Variants in DCC observed in about 807,000 individuals in gnomAD.
The protein encoded by DCC is netrin receptor DCC.
In DCC, 58 loss-of-function variants were observed where a neutral mutation model predicts 172.5. That is an observed-to-expected ratio of 0.34 (90% CI 0.27 to 0.42). The LOEUF is 0.42. Among genes scored for constraint, DCC ranks in the 10% least tolerant of loss-of-function variants. DCC has a pLI of 1.00. For missense variants in DCC, 1,740 were observed against 1,791.0 expected, an observed-to-expected ratio of 0.97 and a Z score of 0.51; for synonymous variants, 709 against 644.5, an observed-to-expected ratio of 1.10 and a Z score of -1.52.
intron 15 of DCC, among the ~76,000 whole-genome samples, chr18:53,367,040 A>T (rs559530530): frequency 6.6e-6 from 1 of 152,332 alleles, no homozygotes; most frequent in African/African-American, 2.4e-5. Context: ...CTAACTAATA[A>T]AATATGTTTT....
chr18:53,521,474 C>G (rs2046398178), intron 27 of DCC, among the ~76,000 whole-genome samples: 3 of 152,054 alleles, frequency 2.0e-5, no homozygotes. Flanking sequence ...TAGGCTATGC[C>G]TAGGAATTCA....
chr18:53,121,672 C>T (rs2043485944), intron 7 of DCC, among the ~76,000 whole-genome samples: 1 of 151,818 alleles, frequency 6.6e-6, no homozygotes, highest in Non-Finnish European at 1.5e-5. Context: ...TTTTCAAATA[C>T]AATGTAATAC....
chr18:52,888,403 C>A (rs2039599253), intron 2 of DCC, among the ~76,000 whole-genome samples: 1 of 152,068 alleles, frequency 6.6e-6, no homozygotes, highest in South Asian at 2.1e-4. Context: ...ATTAGCAGTT[C>A]AGCTTGGTGT....
At chr18:53,394,632 T>G (rs2145016601) in intron 17 of DCC, among the ~76,000 whole-genome samples, 1 of 152,150 alleles carries the variant, frequency 6.6e-6, no homozygotes, top group Non-Finnish European at 1.5e-5. Context: ...TGTGCAGGAC[T>G]CAGTCTCAGC....
intron 15 of DCC, among the ~76,000 whole-genome samples, chr18:53,344,895 A>C (rs554637989): frequency 6.6e-6 from 1 of 151,064 alleles, no homozygotes; most frequent in Admixed American, 6.6e-5. Flanking sequence ...GGAAAAAAAA[A>C]AAAAAGGAAA....
chr18:52,368,840 A>C (rs893136804), intron 1 of DCC, among the ~76,000 whole-genome samples: 1 of 152,190 alleles, frequency 6.6e-6, no homozygotes, highest in Non-Finnish European at 1.5e-5. Context: ...TGAAGATAAG[A>C]CTGCTAGTCC....
intron 8 of DCC, among the ~76,000 whole-genome samples, chr18:53,160,002 A>T (rs1336951119): frequency 6.6e-6 from 1 of 152,162 alleles, no homozygotes; most frequent in Non-Finnish European, 1.5e-5. Flanking sequence ...GGCTCAAAGT[A>T]TAGGAAGAAG....
intron 7 of DCC, among the ~76,000 whole-genome samples, chr18:53,145,409 A>G (rs776855808): frequency 5.3e-5 from 8 of 151,956 alleles, no homozygotes; most frequent in East Asian, 1.9e-4. Context: ...CACCGCACCC[A>G]GCCCAGGGCT....
chr18:53,397,625 C>G (rs1304962467), intron 18 of DCC, among the ~76,000 whole-genome samples, 179 bp downstream of exon 18: 1 of 152,116 alleles, frequency 6.6e-6, no homozygotes, highest in Non-Finnish European at 1.5e-5. Flanking sequence ...CTAGAAAAAA[C>G]ATGAATCTCC....
chr18:53,218,662 G>A (rs1193624659), intron 12 of DCC, among the ~76,000 whole-genome samples: 1 of 152,058 alleles, frequency 6.6e-6, no homozygotes, highest in African/African-American at 2.4e-5. Flanking sequence ...TAGTGAGGTG[G>A]TTATTTCTCA....
chr18:53,351,357 T>TAC (rs2057799753), intron 15 of DCC, among the ~76,000 whole-genome samples: 1 of 85,234 alleles, frequency 1.2e-5, no homozygotes, highest in Non-Finnish European at 2.5e-5. Flanking sequence ...ATACACAGTA[T>TAC]ATATATATAC....
intron 12 of DCC, among the ~76,000 whole-genome samples, chr18:53,292,592 G>C (rs2057018539): frequency 6.6e-6 from 1 of 152,196 alleles, no homozygotes; most frequent in South Asian, 2.1e-4. Context: ...AAGAGGCTGA[G>C]GCAGGAGAAT....
intron 5 of DCC, among the ~76,000 whole-genome samples, chr18:53,022,657 A>T (rs932112614): frequency 2.1e-4 from 32 of 152,006 alleles, no homozygotes; most frequent in African/African-American, 7.5e-4. Flanking sequence ...AGAGATCATA[A>T]TGTGTCACTA....
At chr18:52,713,036 G>A (rs545433195) in intron 1 of DCC, among the ~76,000 whole-genome samples, 1 of 152,110 alleles carries the variant, frequency 6.6e-6, no homozygotes, top group Non-Finnish European at 1.5e-5. Flanking sequence ...TTCCTAATTG[G>A]TAGAGAGAGG....
intron 1 of DCC, among the ~76,000 whole-genome samples, chr18:52,688,293 AT>A (rs1477658588): frequency 1.3e-5 from 2 of 152,050 alleles, no homozygotes; most frequent in Non-Finnish European, 2.9e-5. Flanking sequence ...CATCATTGTA[AT>A]TTTCCCAGTA....
chr18:52,418,735 C>T (rs1987134795), intron 1 of DCC, among the ~76,000 whole-genome samples: 1 of 152,060 alleles, frequency 6.6e-6, no homozygotes, highest in Non-Finnish European at 1.5e-5. Flanking sequence ...GCTGCTGGCG[C>T]ATGTCATAAG....
intron 12 of DCC, among the ~76,000 whole-genome samples, chr18:53,275,637 T>C (rs1398405518): frequency 1.3e-5 from 2 of 152,060 alleles, no homozygotes; most frequent in Non-Finnish European, 2.9e-5. Context: ...GAGAAATTGG[T>C]TATAACAATA....
intron 5 of DCC, among the ~76,000 whole-genome samples, chr18:53,019,002 C>G (rs1363880681): frequency 6.6e-6 from 1 of 152,122 alleles, no homozygotes; most frequent in Non-Finnish European, 1.5e-5. Context: ...AAGTTGATGT[C>G]AACCAACAAA....
Position 52,660,984 on chromosome 18 carries a change from C to T in DCC, c.92-91070C>T, listed in dbSNP as rs192810695. Reference sequence around the variant, plus strand: ...CTCAATATATAAGTTTACTTCTATACCCTCGATGCCAACAAGACAGGAGGA... The same window carrying T: ...CTCAATATATAAGTTTACTTCTATATCCTCGATGCCAACAAGACAGGAGGA... On this transcript the variant is annotated intron_variant, in intron 1 of 28. Coordinates refer to ENST00000442544, the MANE Select transcript of DCC (RefSeq NM_005215.4). Among the ~76,000 whole-genome samples, 46 of 152,224 alleles carry T rather than the reference C, an allele frequency of 3.0e-4. No homozygotes were observed. The East Asian group carries it at 6.4e-3, about 21-fold the overall frequency.
Sources: allele counts gnomAD v4.1 joint callset (sites outside exome capture counted in the v4.1 genomes callset), GRCh38; gene constraint gnomAD v4.1.1; transcripts MANE v1.5; gene names NCBI Gene and HGNC (gene_info 2026-07-23, HGNC 2026-07-21).